Variants in GOPC observed in about 807,000 individuals in gnomAD.
The protein encoded by GOPC is golgi associated PDZ and coiled-coil motif containing, also known as Golgi-associated PDZ and coiled-coil motif-containing protein.
GOPC carries 32 observed loss-of-function variants against 51.2 expected under a neutral mutation model. The ratio of observed to expected loss-of-function variants is 0.63; its 90% CI spans 0.47 to 0.84. The LOEUF (loss-of-function observed/expected upper bound fraction) is 0.84. Among genes scored for constraint, GOPC ranks in the 40% least tolerant of loss-of-function variants. GOPC has a pLI of 0.00. For missense variants in GOPC, 441 were observed against 555.5 expected (o/e 0.79, Z 2.07); for synonymous variants, 190 against 205.1 (o/e 0.93, Z 0.63).
chr6:117,601,368 T>C (rs1386830711), intron 1 of GOPC, among the ~76,000 whole-genome samples: 1 of 152,172 alleles, frequency 6.6e-6, no homozygotes, highest in African/African-American at 2.4e-5. Context: ...CACAGTAATG[T>C]ACAAGCATAT....
At chr6:117,573,368 G>C in intron 5 of GOPC, 99 bp downstream of exon 5, 1 of 1,323,920 alleles carries the variant, frequency 7.6e-7, no homozygotes, top group Non-Finnish European at 1.0e-6. Context: ...TTAAATAAAG[G>C]TTTCAAACAA....
chr6:117,594,911 A>C (rs1780171728), intron 1 of GOPC, among the ~76,000 whole-genome samples: 1 of 152,202 alleles, frequency 6.6e-6, no homozygotes. Context: ...TTGGTTCACA[A>C]TCTTTATTCT....
At chr6:117,573,932 T>C (rs1451690284) in intron 4 of GOPC, among the ~76,000 whole-genome samples, 1 of 152,198 alleles carries the variant, frequency 6.6e-6, no homozygotes, top group East Asian at 1.9e-4. Flanking sequence ...TGTCAATCTA[T>C]GTCTTGCATG....
intron 1 of GOPC, among the ~76,000 whole-genome samples, chr6:117,588,557 T>C (rs1010235589): frequency 6.6e-6 from 1 of 152,134 alleles, no homozygotes; most frequent in African/African-American, 2.4e-5. Flanking sequence ...ATTACAGGCG[T>C]GAGTTATCCT....
rs761459290 is a variant in GOPC at position 117,569,742 on chromosome 6, A to C, written c.913-6T>G. 1.8e-5 allele frequency: 28 copies of C among 1,580,746 alleles called. No homozygotes were observed. The Middle Eastern group carries it at 5.0e-4, about 28-fold the overall frequency. ...ACACCATGTTCTTTCCCACCCTAAC[A>C]ACAACAAAGGGCAGTAAATTAAAGT... On this transcript the variant is annotated splice_region_variant and splice_polypyrimidine_tract_variant and intron_variant, in intron 6 of 8. Coordinates refer to ENST00000368498, the MANE Select transcript of GOPC (RefSeq NM_020399.4).
chr6:117,573,183 A>G (rs1360631504), intron 5 of GOPC, among the ~76,000 whole-genome samples: 1 of 152,232 alleles, frequency 6.6e-6, no homozygotes, highest in African/African-American at 2.4e-5. Flanking sequence ...ATGCCCAATC[A>G]TGATCCAGGA....
At chr6:117,571,757 C>T (rs939694890) in intron 5 of GOPC, among the ~76,000 whole-genome samples, 1 of 152,096 alleles carries the variant, frequency 6.6e-6, no homozygotes, top group Admixed American at 6.6e-5. Flanking sequence ...TATTGTTACA[C>T]ACAATTAACA....
chr6:117,576,060 C>A (rs546742445), intron 3 of GOPC, among the ~76,000 whole-genome samples: 2 of 152,078 alleles, frequency 1.3e-5, no homozygotes, highest in Middle Eastern at 3.4e-3. Flanking sequence ...TATTTTGGTA[C>A]TAATTTAATG....
intron 1 of GOPC, among the ~76,000 whole-genome samples, chr6:117,601,703 C>G (rs899770729): frequency 3.9e-5 from 6 of 152,196 alleles, no homozygotes; most frequent in Non-Finnish European, 8.8e-5. Flanking sequence ...ATTTTCATGA[C>G]AGAGAATCTT....
intron 8 of GOPC, among the ~76,000 whole-genome samples, chr6:117,565,325 C>T (rs1462772761): frequency 6.6e-6 from 1 of 152,126 alleles, no homozygotes; most frequent in East Asian, 1.9e-4. Context: ...TATGTAGTTG[C>T]TAAATGGAAG....
In GOPC at chr6:117,563,116, C is replaced by T. The variant is rs1202174294; in HGVS notation, c.*138G>A. On this transcript the variant is annotated 3_prime_UTR_variant, in exon 9 of 9. Transcript: ENST00000368498. ...TGTTTTATGCATTGAGAATTGTTCA[C>T]ATGAAGCCCTGAGGTACCCGCCTTT... 8.4e-6 allele frequency: 6 copies of T among 717,628 alleles called. No homozygotes were observed. The highest frequency in any genetic ancestry group is 7.5e-5 in the East Asian group (3 of 39,756). The allele number at this position is 717,628 out of a possible 1,614,324, so 44.5% of individuals were successfully genotyped here.
intron 6 of GOPC, among the ~76,000 whole-genome samples, chr6:117,570,327 A>G (rs1221194131): frequency 6.6e-6 from 1 of 152,160 alleles, no homozygotes; most frequent in Non-Finnish European, 1.5e-5. Flanking sequence ...TAAAAAAACA[A>G]ATGATCTTGC....
chr6:117,591,811 A>T (rs1030263846), intron 1 of GOPC, among the ~76,000 whole-genome samples: 3 of 152,234 alleles, frequency 2.0e-5, no homozygotes, highest in Admixed American at 6.5e-5. Flanking sequence ...AGATACAGAA[A>T]GAAGAATGAC....
chr6:117,602,499 C>T lies in GOPC; in HGVS notation c.-211G>A. ...GGCAACGGCGGCGACACACGGAAGACTCAGTCAGTCCCACCTCCCAGCCTG... is the reference window on the plus strand; with the variant it reads ...GGCAACGGCGGCGACACACGGAAGATTCAGTCAGTCCCACCTCCCAGCCTG... On this transcript the variant is annotated 5_prime_UTR_variant, in exon 1 of 9. Coordinates refer to ENST00000368498, the MANE Select transcript of GOPC (RefSeq NM_020399.4). 1.7e-6 allele frequency: 1 copy of T among 588,544 alleles called. No individual in the cohort carries two copies. Among genetic ancestry groups the T allele is most frequent in the East Asian group, 2.9e-5 (1 of 34,960 alleles). 36.5% of individuals were successfully genotyped at this position (588,544 alleles called of 1,614,324 possible). A position where few individuals can be genotyped will look rare whatever the true frequency, so the allele number is the denominator to read the frequency against.
At chr6:117,601,931 A>C in intron 1 of GOPC, 73 bp downstream of exon 1, 1 of 1,505,242 alleles carries the variant, frequency 6.6e-7, no homozygotes. Context: ...GTTTCACTGG[A>C]GCGTTAAATG....
At chr6:117,573,415 T>A in intron 5 of GOPC, 52 bp downstream of exon 5, 1 of 1,565,852 alleles carries the variant, frequency 6.4e-7, no homozygotes, top group South Asian at 1.2e-5. Context: ...GCAACTGTGA[T>A]TAAAGAAAGA....
At chr6:117,598,380 GA>G (rs941999827) in intron 1 of GOPC, among the ~76,000 whole-genome samples, 6 of 146,618 alleles carry the variant, frequency 4.1e-5, no homozygotes, top group East Asian at 2.0e-4. Context: ...CTCAAAAAAA[GA>G]AAAAAAAAAG....
chr6:117,576,253 T>C (rs1054230661), intron 3 of GOPC, among the ~76,000 whole-genome samples: 1 of 152,014 alleles, frequency 6.6e-6, no homozygotes, highest in African/African-American at 2.4e-5. Flanking sequence ...ATATTTGTTA[T>C]ATATATGACA....
In GOPC at chr6:117,567,287, T is replaced by A. The variant is rs938132241; in HGVS notation, c.1078-253A>T. The stretch of plus-strand genomic sequence containing the variant: ...CTACTGACCATAGTCTTTTTGCTAA[T>A]AGATCTAAAATTTAAGAGGATGCTT... On this transcript the variant is annotated intron_variant, in intron 7 of 8. Coordinates refer to ENST00000368498, the MANE Select transcript of GOPC (RefSeq NM_020399.4). Among the ~76,000 whole-genome samples the A allele has an allele frequency of 7.2e-5, 11 of 152,210 alleles. 1 individual carries two copies. The highest frequency in any genetic ancestry group is 7.2e-4 in the Admixed American group (11 of 15,286).
Sources: gnomAD v4.1 joint callset for allele counts (sites outside exome capture counted in the v4.1 genomes callset) on GRCh38, gnomAD v4.1.1 for gene constraint, MANE v1.5 for transcripts, NCBI Gene and HGNC (gene_info 2026-07-23, HGNC 2026-07-21) for gene names.